SGPP1: variants seen among roughly 807,000 people sequenced by gnomAD.
The protein encoded by SGPP1 is hSPP1.
A neutral mutation model predicts 33.0 loss-of-function variants in SGPP1; 21 were observed. The ratio of observed to expected loss-of-function variants is 0.64; its 90% confidence interval spans 0.45 to 0.92. The LOEUF (loss-of-function observed/expected upper bound fraction) is 0.92. SGPP1 is among the 40% of genes least tolerant of loss of function. The pLI is 0.00. For synonymous variants in SGPP1, 239 were observed against 241.2 expected (o/e 0.99, Z 0.08); for missense variants, 543 against 589.4 (o/e 0.92, Z 0.81).
chr14:63,712,917 CAAAAAAAAAAAAA>C (rs56797705), intron 1 of SGPP1, among the ~76,000 whole-genome samples: 3 of 63,750 alleles, frequency 4.7e-5, no homozygotes, highest in Admixed American at 3.7e-4. Flanking sequence ...AACTCTGTCT[CAAAAAAAAAAAAA>C]AAAAAAAAAT....
chr14:63,693,743 A>G (rs922905251), intron 2 of SGPP1, among the ~76,000 whole-genome samples: 3 of 151,980 alleles, frequency 2.0e-5, no homozygotes, highest in African/African-American at 7.2e-5. Flanking sequence ...CCTCGTGAGT[A>G]GCTGGGATTA....
At chr14:63,711,898 T>C (rs1341486022) in intron 1 of SGPP1, among the ~76,000 whole-genome samples, 1 of 151,742 alleles carries the variant, frequency 6.6e-6, no homozygotes, top group Non-Finnish European at 1.5e-5. Context: ...GGCGTGGTGG[T>C]AGGCACCTGT....
chr14:63,686,612 G>A lies in SGPP1; in HGVS notation c.819C>T (p.Val273=). ...CAATCAGGTCCACAAATGGATAGAAGACAGCTAAGATTAAAATGGTATATA... is the reference window on the plus strand; with the variant it reads ...CAATCAGGTCCACAAATGGATAGAAAACAGCTAAGATTAAAATGGTATATA... ...GFLYTILILA[V]FYPFVDLIDN... The change falls in exon 3 of 3, where the codon GTC becomes GTT. Residue 273 remains valine (V), a synonymous_variant. Coordinates refer to ENST00000247225, the MANE Select transcript of SGPP1 (RefSeq NM_030791.4). 3.1e-6 allele frequency: 5 copies of A among 1,613,286 alleles called. No individual in the cohort carries two copies. In the African/African-American group the frequency reaches 5.3e-5, roughly 17 times the overall value.
intron 1 of SGPP1, among the ~76,000 whole-genome samples, chr14:63,718,991 TATATATATATATATATATATA>T (rs1566536562): frequency 5.4e-4 from 10 of 18,568 alleles, no homozygotes; most frequent in Non-Finnish European, 8.8e-4. Context: ...TATATATATA[TATATATATATATATATATATA>T]TATTTTTTTT....
chr14:63,718,083 T>C (rs1885671462), intron 1 of SGPP1, among the ~76,000 whole-genome samples: 1 of 151,912 alleles, frequency 6.6e-6, no homozygotes, highest in Non-Finnish European at 1.5e-5. Context: ...CTATCTCTAC[T>C]AAAATTACAA....
chr14:63,706,282 C>A (rs985512557), intron 1 of SGPP1, among the ~76,000 whole-genome samples: 1 of 152,032 alleles, frequency 6.6e-6, no homozygotes, highest in Non-Finnish European at 1.5e-5. Context: ...GAGAGAGAAA[C>A]GGGGAGCCAA....
At chr14:63,715,237 A>T (rs1885599773) in intron 1 of SGPP1, among the ~76,000 whole-genome samples, 1 of 145,818 alleles carries the variant, frequency 6.9e-6, no homozygotes. Context: ...CTGGTCTCGA[A>T]CTCCTGACCT....
chr14:63,686,050 T>C lies in SGPP1; in HGVS notation c.*55A>G. The stretch of plus-strand genomic sequence containing the variant: ...TGACCTGGCTTTACCTGGAATATAT[T>C]TTTGGGTATCAGTAACTGATACCCT... On this transcript the variant is annotated 3_prime_UTR_variant, in exon 3 of 3. Coordinates refer to ENST00000247225, the MANE Select transcript of SGPP1 (RefSeq NM_030791.4). The C allele has an allele frequency of 9.4e-7, 1 of 1,066,114 alleles. No individual in the cohort carries two copies. The highest frequency in any genetic ancestry group is 1.9e-5 in the South Asian group (1 of 53,206). The allele number at this position is 1,066,114 out of a possible 1,614,324, so 66.0% of individuals were successfully genotyped here.
chr14:63,686,496 C>T lies in SGPP1; in HGVS notation c.935G>A (p.Trp312Ter), dbSNP rs1258535946. 1.9e-6 allele frequency: 3 copies of T among 1,613,896 alleles called. No individual in the cohort carries two copies. In the African/African-American group the frequency reaches 4.0e-5, roughly 22 times the overall value. The change falls in exon 3 of 3, where the codon TGG (tryptophan) becomes TAG (stop). Residue 312 changes from tryptophan to a stop codon, truncating the protein, a stop_gained. Transcript: ENST00000247225. LOFTEE classifies it high-confidence loss of function. ...LGIFSFTLDT[W>*]STSRGDTAEI... ...GGCTGTGTCTCCTCGGGATGTGCTCCAGGTGTCAAGAGTGAAAGAAAAGAT... is the reference window on the plus strand; with the variant it reads ...GGCTGTGTCTCCTCGGGATGTGCTCTAGGTGTCAAGAGTGAAAGAAAAGAT...
At chr14:63,704,320 T>C (rs1361826147) in intron 1 of SGPP1, among the ~76,000 whole-genome samples, 1 of 152,218 alleles carries the variant, frequency 6.6e-6, no homozygotes, top group Non-Finnish European at 1.5e-5. Flanking sequence ...AGGTCAGACA[T>C]ATAGACCAGT....
rs1311701107 is a variant in SGPP1, at chr14:63,727,623, G to C, written c.322C>G (p.Leu108Val). ...GPASPRRAGA[L>V]RRNSLTGEEG... ...TCGCCCGTCAGCGAGTTGCGGCGCA[G>C]AGCGCCCGCGCGCCGCGGCGAGGCC... The change falls in exon 1 of 3, where the codon CTG (leucine) becomes GTG (valine). Residue 108 changes from leucine (L) to valine (V), a missense_variant. Coordinates refer to ENST00000247225, the MANE Select transcript of SGPP1 (RefSeq NM_030791.4). 1 of 1,452,950 alleles carries C rather than the reference G, an allele frequency of 6.9e-7. No homozygotes were observed. The highest frequency in any genetic ancestry group is 9.0e-7 in the Non-Finnish European group (1 of 1,111,860). The allele number at this position is 1,452,950 out of a possible 1,614,324, so 90.0% of individuals were successfully genotyped here.
chr14:63,717,563 C>T (rs766094899), intron 1 of SGPP1, among the ~76,000 whole-genome samples: 1 of 152,116 alleles, frequency 6.6e-6, no homozygotes, highest in Non-Finnish European at 1.5e-5. Context: ...ACCTCGTGAT[C>T]CGCCAGCCTC....
At chr14:63,698,529 C>T in intron 2 of SGPP1, 40 bp downstream of exon 2, 3 of 1,135,686 alleles carry the variant, frequency 2.6e-6, no homozygotes, top group Non-Finnish European at 3.8e-6. Context: ...CTGTCAATGT[C>T]ATAAAAAATA....
chr14:63,710,521 T>C (rs550246944), intron 1 of SGPP1, among the ~76,000 whole-genome samples: 75 of 152,352 alleles, frequency 4.9e-4, no homozygotes, highest in Admixed American at 1.4e-3. Context: ...ATTAAAAGGA[T>C]AGACAGCGTC....
chr14:63,720,237 T>C (rs1219857124), intron 1 of SGPP1, among the ~76,000 whole-genome samples: 2 of 145,660 alleles, frequency 1.4e-5, no homozygotes, highest in African/African-American at 5.1e-5. Context: ...AGACCAACCT[T>C]GGCAACATGG....
intron 1 of SGPP1, among the ~76,000 whole-genome samples, chr14:63,703,623 A>G (rs1320393910): frequency 6.9e-6 from 1 of 145,058 alleles, no homozygotes; most frequent in Non-Finnish European, 1.5e-5. Flanking sequence ...CCGGCACTCC[A>G]GCCTGGCAAC....
intron 1 of SGPP1, among the ~76,000 whole-genome samples, chr14:63,701,489 G>A (rs540661078): frequency 1.3e-5 from 2 of 152,248 alleles, no homozygotes; most frequent in South Asian, 2.1e-4. Flanking sequence ...CGGAATGGAG[G>A]TGAGGTGAGT....
At chr14:63,718,736 T>C (rs1046883007) in intron 1 of SGPP1, among the ~76,000 whole-genome samples, 3 of 150,918 alleles carry the variant, frequency 2.0e-5, no homozygotes, top group Admixed American at 1.3e-4. Flanking sequence ...TAGGTACCCA[T>C]AGCAATAAAA....
chr14:63,689,668 T>A (rs1885054500), intron 2 of SGPP1, among the ~76,000 whole-genome samples: 1 of 151,954 alleles, frequency 6.6e-6, no homozygotes, highest in Non-Finnish European at 1.5e-5. Flanking sequence ...TGGTGGCACA[T>A]GCCTGTAATC....
Sources: gnomAD v4.1 joint callset for allele counts (sites outside exome capture counted in the v4.1 genomes callset) on GRCh38, gnomAD v4.1.1 for gene constraint, MANE v1.5 for transcripts, NCBI Gene and HGNC (gene_info 2026-07-23, HGNC 2026-07-21) for gene names.